The following ZPBP variants were observed in gnomAD, a reference collection of about 807,000 sequenced individuals.
The protein encoded by ZPBP is zona pellucida binding protein.
A neutral mutation model predicts 44.8 loss-of-function variants in ZPBP; 26 were observed. The observed-to-expected ratio is 0.58, with a 90% CI of 0.43 to 0.81. ZPBP has a LOEUF of 0.81. Ranked by LOEUF, ZPBP falls within the 30% of genes least tolerant of loss-of-function variation. The pLI, the probability that ZPBP is intolerant of heterozygous loss-of-function variation, is 0.00. For synonymous variants in ZPBP, 174 were observed against 153.2 expected, an observed-to-expected ratio of 1.14 and a Z score of -1.00; for missense variants, 409 against 434.0, an observed-to-expected ratio of 0.94 and a Z score of 0.51.
chr7:49,885,175 A>G (rs1277667276), intron 2 of ZPBP, among the ~76,000 whole-genome samples: 1 of 152,128 alleles, frequency 6.6e-6, no homozygotes, highest in African/African-American at 2.4e-5. Context: ...GCACATAAGA[A>G]ATTGAAATAA....
chr7:50,073,797 A>G (rs1801956671), intron 3 of ZPBP, among the ~76,000 whole-genome samples: 1 of 152,126 alleles, frequency 6.6e-6, no homozygotes, highest in African/African-American at 2.4e-5. Flanking sequence ...AGAATAGTAT[A>G]TCTGGCAAAA....
At position 50,020,024 on chromosome 7, in the gene ZPBP, G is replaced by A. The variant is rs571370803; in HGVS notation, c.707-1708C>T. The stretch of plus-strand genomic sequence containing the variant: ...GATCACGCCACTGCACTCCAGCCTC[G>A]GCAACAGAGTGAGACTCTGTCTCAA... On this transcript the variant is annotated intron_variant, in intron 5 of 7. Coordinates refer to ENST00000046087, the MANE Select transcript of ZPBP (RefSeq NM_007009.3). Among the ~76,000 whole-genome samples the A allele has an allele frequency of 2.0e-3, 306 of 151,258 alleles. 1 individual carries two copies. The highest frequency in any genetic ancestry group is 0.011 in the South Asian group (52 of 4,782).
chr7:50,068,497 G>C (rs1801649686), intron 3 of ZPBP, among the ~76,000 whole-genome samples: 1 of 150,874 alleles, frequency 6.6e-6, no homozygotes, highest in Non-Finnish European at 1.5e-5. Context: ...TTTACATCAA[G>C]CACATTAATC....
chr7:49,935,070 C>T (rs1794575280), downstream of ZPBP, among the ~76,000 whole-genome samples: 1 of 152,170 alleles, frequency 6.6e-6, no homozygotes, highest in African/African-American at 2.4e-5. Context: ...ACTGTCATCA[C>T]TTTAAACAAC....
intron 4 of ZPBP, among the ~76,000 whole-genome samples, chr7:50,047,313 T>C (rs1800421057): frequency 6.6e-6 from 1 of 151,588 alleles, no homozygotes; most frequent in African/African-American, 2.4e-5. Context: ...AAAGAAATGG[T>C]GGGAGATGTC....
intron 1 of ZPBP, among the ~76,000 whole-genome samples, chr7:49,925,621 T>C (rs527257659): frequency 6.6e-6 from 1 of 152,372 alleles, no homozygotes; most frequent in Non-Finnish European, 1.5e-5. Context: ...ACATGTTTTC[T>C]GCTGAGTGTT....
chr7:50,080,124 G>A (rs1295913210), intron 3 of ZPBP, among the ~76,000 whole-genome samples: 4 of 151,696 alleles, frequency 2.6e-5, no homozygotes, highest in Admixed American at 2.0e-4. Context: ...AAAATGATAA[G>A]TACAGTGCAG....
At chr7:50,039,514 A>C (rs1056822719) in intron 4 of ZPBP, among the ~76,000 whole-genome samples, 1 of 152,178 alleles carries the variant, frequency 6.6e-6, no homozygotes, top group Non-Finnish European at 1.5e-5. Context: ...CCTTTTACTG[A>C]TTTAAAAGCA....
chr7:50,082,362 T>G (rs951798007), intron 2 of ZPBP, among the ~76,000 whole-genome samples: 1 of 151,908 alleles, frequency 6.6e-6, no homozygotes, highest in Admixed American at 6.6e-5. Flanking sequence ...AATGATAAAG[T>G]GATTAAAAAG....
At chr7:49,936,287 T>A (rs1794618348), downstream of ZPBP, 1 of 152,182 alleles carries the variant, frequency 6.6e-6, no homozygotes, top group African/African-American at 2.4e-5. Context: ...ATCATAATGA[T>A]GAAAACCCAA....
intron 2 of ZPBP, among the ~76,000 whole-genome samples, chr7:49,900,342 C>G (rs1250545201): frequency 1.3e-5 from 2 of 151,454 alleles, no homozygotes; most frequent in African/African-American, 2.4e-5. Flanking sequence ...TAATTTAAAA[C>G]AGGAAAACAA....
intron 1 of ZPBP, among the ~76,000 whole-genome samples, chr7:50,090,885 T>C (rs182975433): frequency 5.3e-5 from 8 of 152,204 alleles, no homozygotes; most frequent in Admixed American, 2.6e-4. Context: ...TTAGGGAATC[T>C]CCACAATTTT....
chr7:49,982,167 TTATATATA>T (rs10599093), intron 7 of ZPBP, among the ~76,000 whole-genome samples: 1 of 60,908 alleles, frequency 1.6e-5, no homozygotes, highest in Non-Finnish European at 2.9e-5. Context: ...ATAATATATA[TTATATATA>T]TATAATTTAT....
intron 7 of ZPBP, among the ~76,000 whole-genome samples, chr7:49,950,567 T>G (rs1795298262): frequency 6.6e-6 from 1 of 151,756 alleles, no homozygotes. Flanking sequence ...TTAAAAGACG[T>G]GTATATATGT....
At chr7:49,892,040 T>TTG (rs1463519863) in intron 2 of ZPBP, among the ~76,000 whole-genome samples, 1 of 122,950 alleles carries the variant, frequency 8.1e-6, no homozygotes, top group African/African-American at 3.1e-5. Flanking sequence ...GATTTTTTTT[T>TTG]TTTTTTTTTT....
chr7:50,033,967 A>G (rs895505480), intron 4 of ZPBP, among the ~76,000 whole-genome samples: 12 of 152,134 alleles, frequency 7.9e-5, no homozygotes, highest in African/African-American at 2.9e-4. Flanking sequence ...TGCTGGGATT[A>G]CAGGTGTAAG....
intron 2 of ZPBP, among the ~76,000 whole-genome samples, chr7:49,865,040 C>G (rs1364502545): frequency 1.3e-5 from 2 of 152,044 alleles, no homozygotes; most frequent in Non-Finnish European, 2.9e-5. Flanking sequence ...TATATTTATT[C>G]TTAAAGATCT....
At chr7:49,957,731 T>TG (rs1795673217) in intron 7 of ZPBP, among the ~76,000 whole-genome samples, 1 of 152,142 alleles carries the variant, frequency 6.6e-6, no homozygotes, top group African/African-American at 2.4e-5. Flanking sequence ...AGAGAGCCTC[T>TG]ACTGTGGTAA....
chr7:50,013,764 C>T (rs1467344051), intron 6 of ZPBP, among the ~76,000 whole-genome samples: 1 of 152,016 alleles, frequency 6.6e-6, no homozygotes, highest in Admixed American at 6.6e-5. Flanking sequence ...TCAAGCTCCA[C>T]TTGGTCTGAT....
Sources: allele counts gnomAD v4.1 joint callset (sites outside exome capture counted in the v4.1 genomes callset), GRCh38; gene constraint gnomAD v4.1.1; transcripts MANE v1.5; gene names NCBI Gene and HGNC (gene_info 2026-07-23, HGNC 2026-07-21).